ZFYVE16: variants seen among roughly 807,000 people sequenced by gnomAD.
The protein encoded by ZFYVE16 is zinc finger FYVE-type containing 16.
ZFYVE16 carries 89 observed loss-of-function variants against 138.1 expected under a neutral mutation model. The observed-to-expected ratio is 0.64, with a 90% CI of 0.54 to 0.77. The LOEUF (loss-of-function observed/expected upper bound fraction) is 0.77. Among genes scored for constraint, ZFYVE16 ranks in the 30% least tolerant of loss-of-function variants. ZFYVE16 has a pLI of 0.00. For missense variants in ZFYVE16, 1,793 were observed against 1,786.7 expected, an observed-to-expected ratio of 1.00 and a Z score of -0.06; for synonymous variants, 596 against 618.3, an observed-to-expected ratio of 0.96 and a Z score of 0.53.
At chr5:80,451,405 A>C in intron 10 of ZFYVE16, 80 bp from the exon 11 acceptor site, 2 of 1,172,390 alleles carry the variant, frequency 1.7e-6, no homozygotes, top group Non-Finnish European at 2.4e-6. Flanking sequence ...AGTTTTTTGG[A>C]TTTTGGACAA....
At chr5:80,413,544 C>T (rs1745776750) in intron 1 of ZFYVE16, among the ~76,000 whole-genome samples, 1 of 151,852 alleles carries the variant, frequency 6.6e-6, no homozygotes, top group Non-Finnish European at 1.5e-5. Flanking sequence ...CCCTGAATCC[C>T]ACTCTCCAGA....
At chr5:80,418,484 T>G (rs1746594410) in intron 1 of ZFYVE16, among the ~76,000 whole-genome samples, 1 of 151,920 alleles carries the variant, frequency 6.6e-6, no homozygotes, top group Non-Finnish European at 1.5e-5. Context: ...AACTAATTTT[T>G]AATTTTTTTC....
chr5:80,466,220 C>T (rs1261373176), intron 15 of ZFYVE16, among the ~76,000 whole-genome samples: 1 of 152,162 alleles, frequency 6.6e-6, no homozygotes, highest in Non-Finnish European at 1.5e-5. Context: ...GCCACTCTGC[C>T]CATCCACATA....
chr5:80,426,287 T>TAA (rs1461571311), intron 1 of ZFYVE16, among the ~76,000 whole-genome samples: 3 of 53,442 alleles, frequency 5.6e-5, no homozygotes, highest in African/African-American at 1.0e-4. Flanking sequence ...TATATATATA[T>TAA]ATATATAATT....
At chr5:80,455,515 C>CA (rs34383936) in intron 11 of ZFYVE16, 177 bp from the exon 12 acceptor site, 1 of 553,570 alleles carries the variant, frequency 1.8e-6, no homozygotes, top group Non-Finnish European at 3.1e-6. Context: ...GCCTGGGCAA[C>CA]AGAGTGAGAC....
At chr5:80,409,931 GT>G (rs1471618670) in intron 1 of ZFYVE16, 1 of 151,998 alleles carries the variant, frequency 6.6e-6, no homozygotes, top group Non-Finnish European at 1.5e-5. Flanking sequence ...GCGTGCTAGT[GT>G]TTTTTCTGTA....
intron 15 of ZFYVE16, among the ~76,000 whole-genome samples, chr5:80,468,875 A>C (rs1002659147): frequency 6.6e-6 from 1 of 151,928 alleles, no homozygotes; most frequent in African/African-American, 2.4e-5. Context: ...TTTTCTTTGC[A>C]ATTCTTATGC....
chr5:80,458,041 A>G (rs1014072186), intron 14 of ZFYVE16, among the ~76,000 whole-genome samples: 32 of 151,610 alleles, frequency 2.1e-4, no homozygotes, highest in Non-Finnish European at 4.0e-4. Context: ...CTAAAAAAAA[A>G]AAAAAAAAAA....
At chr5:80,433,855 A>T (rs1287015835) in intron 2 of ZFYVE16, among the ~76,000 whole-genome samples, 5 of 152,154 alleles carry the variant, frequency 3.3e-5, no homozygotes, top group Non-Finnish European at 7.3e-5. Context: ...TCTTTGACCC[A>T]TGAGTTATTT....
In ZFYVE16 at chr5:80,434,232, C is replaced by T. The variant is rs974167148; in HGVS notation, c.70+15C>T. 6.2e-7 allele frequency: 1 copy of T among 1,612,078 alleles called. No homozygotes were observed. The highest frequency in any genetic ancestry group is 1.1e-5 in the South Asian group (1 of 90,738). On this transcript the variant is annotated intron_variant, in intron 3 of 18. Transcript: ENST00000505560. ...ACAGAACCCAGGTTTGTTGATTTTC[C>T]ATTTTTGCCGCTAATGGGATTTAAA... is the stretch of plus-strand genomic sequence containing the variant.
chr5:80,479,526 A>G lies in ZFYVE16; in HGVS notation c.*2149A>G, dbSNP rs1393843693. On this transcript the variant is annotated 3_prime_UTR_variant, in exon 19 of 19. Transcript: ENST00000505560. ...AGTAGTATGCGCTTAAGTGCAGAGC[A>G]TGCCAAGAGAAAGAGTAGGATTTGG... 6.6e-6 allele frequency among the ~76,000 whole-genome samples: 1 copy of G among 152,216 alleles called. No individual in the cohort carries two copies. Among genetic ancestry groups the G allele is most frequent in the Non-Finnish European group, 1.5e-5 (1 of 68,022 alleles).
intron 1 of ZFYVE16, among the ~76,000 whole-genome samples, chr5:80,417,419 A>C (rs919653151): frequency 6.6e-6 from 1 of 152,178 alleles, no homozygotes; most frequent in Non-Finnish European, 1.5e-5. Context: ...TATGCTTTGA[A>C]GTTATATGGT....
At chr5:80,422,699 C>T (rs562530265) in intron 1 of ZFYVE16, among the ~76,000 whole-genome samples, 7 of 152,192 alleles carry the variant, frequency 4.6e-5, no homozygotes, top group South Asian at 2.1e-4. Context: ...GTGATCTGCC[C>T]GTCTCAGCCT....
At chr5:80,410,197 C>G (rs535773034) in intron 1 of ZFYVE16, 1 of 152,162 alleles carries the variant, frequency 6.6e-6, no homozygotes, top group Admixed American at 6.5e-5. Context: ...GGATTCTTTT[C>G]TAAAATTTCT....
At chr5:80,454,599 C>T (rs1022999557) in intron 11 of ZFYVE16, 5 of 152,176 alleles carry the variant, frequency 3.3e-5, no homozygotes, top group Admixed American at 1.3e-4. Flanking sequence ...CTTCGCCTCC[C>T]GGGTTCACGC....
At chr5:80,425,969 C>G (rs1747928670) in intron 1 of ZFYVE16, among the ~76,000 whole-genome samples, 1 of 152,030 alleles carries the variant, frequency 6.6e-6, no homozygotes, top group African/African-American at 2.4e-5. Flanking sequence ...TCCTTTTGTA[C>G]TTATTAACTG....
Position 80,438,644 on chromosome 5 carries a change from T to C in ZFYVE16, c.1959T>C (p.Phe653=). 6.2e-7 allele frequency: 1 copy of C among 1,614,076 alleles called. No homozygotes were observed. Among genetic ancestry groups the C allele is most frequent in the Non-Finnish European group, 8.5e-7 (1 of 1,179,972 alleles). Residue 653 remains phenylalanine, a synonymous_variant, in exon 4 of 19, where the codon TTT becomes TTC. Transcript: ENST00000505560. ...GAGGGGCCAGACCTAAGCAATTGTT[T>C]AGCCTTCCATCAAGAACAAGGAGTT... The part of the protein sequence containing the change: ...SVGGARPKQL[F]SLPSRTRSSK...
At chr5:80,457,977 G>C (rs1752695403) in intron 14 of ZFYVE16, among the ~76,000 whole-genome samples, 1 of 145,366 alleles carries the variant, frequency 6.9e-6, no homozygotes, top group African/African-American at 2.6e-5. Context: ...AGTGAGCCCA[G>C]ATCGTGCCAC....
chr5:80,436,690 A>T (rs1749953617), intron 3 of ZFYVE16, 66 bp from the exon 4 acceptor site: 1 of 1,389,186 alleles, frequency 7.2e-7, no homozygotes, highest in Non-Finnish European at 9.7e-7. Context: ...GTCTTGGGAA[A>T]CATAATATGT....
Sources: allele counts gnomAD v4.1 joint callset (sites outside exome capture counted in the v4.1 genomes callset), GRCh38; gene constraint gnomAD v4.1.1; transcripts MANE v1.5; gene names NCBI Gene and HGNC (gene_info 2026-07-23, HGNC 2026-07-21).